TSPAN15: variants seen among roughly 807,000 people sequenced by gnomAD.
TSPAN15 encodes the protein tetraspanin 15.
TSPAN15 carries 20 observed loss-of-function variants against 34.5 expected under a neutral mutation model. That is an observed-to-expected ratio of 0.58 (90% CI 0.41 to 0.84). The LOEUF is 0.84. TSPAN15 is among the 40% of genes least tolerant of loss of function. TSPAN15 has a pLI of 0.00. For synonymous variants in TSPAN15, 155 were observed against 153.9 expected (o/e 1.01, Z -0.05); for missense variants, 313 against 386.1 (o/e 0.81, Z 1.59).
chr10:69,503,206 C>T (rs1043774373), intron 5 of TSPAN15, among the ~76,000 whole-genome samples: 2 of 152,096 alleles, frequency 1.3e-5, no homozygotes, highest in African/African-American at 4.8e-5. Flanking sequence ...CCAGCTAAAC[C>T]GAGGGAGGTC....
chr10:69,489,751 C>T (rs564306437), intron 3 of TSPAN15, among the ~76,000 whole-genome samples: 38 of 152,332 alleles, frequency 2.5e-4, no homozygotes, highest in Non-Finnish European at 4.0e-4. Context: ...GGACTGGTGC[C>T]GCTTCTCCAC....
At chr10:69,483,968 C>A in intron 2 of TSPAN15, 92 bp downstream of exon 2, 3 of 1,410,518 alleles carry the variant, frequency 2.1e-6, no homozygotes, top group East Asian at 2.3e-5. Context: ...TTCTTTTGTC[C>A]CTGCCTCAAA....
chr10:69,464,869 C>T (rs1841349587), intron 1 of TSPAN15, among the ~76,000 whole-genome samples: 1 of 152,198 alleles, frequency 6.6e-6, no homozygotes, highest in African/African-American at 2.4e-5. Context: ...GGTTTCAAAC[C>T]AGGAGCTTCC....
chr10:69,512,103 A>G (rs185653995), downstream of TSPAN15, among the ~76,000 whole-genome samples: 12 of 152,304 alleles, frequency 7.9e-5, no homozygotes, highest in East Asian at 2.3e-3. Context: ...AATGAAATGG[A>G]TGGAAGCAGA....
At chr10:69,498,682 A>G (rs1248788170) in intron 5 of TSPAN15, among the ~76,000 whole-genome samples, 1 of 152,194 alleles carries the variant, frequency 6.6e-6, no homozygotes, top group Non-Finnish European at 1.5e-5. Flanking sequence ...GTATTTACTC[A>G]TTTAGTATTC....
Position 69,507,282 on chromosome 10 carries a change from A to T in TSPAN15, c.*304A>T. 7.6e-7 allele frequency: 1 copy of T among 1,312,734 alleles called. No individual in the cohort carries two copies. Among genetic ancestry groups the T allele is most frequent in the Non-Finnish European group, 9.8e-7 (1 of 1,025,142 alleles). 81.3% of individuals were successfully genotyped at this position (1,312,734 alleles called of 1,614,324 possible). On this transcript the variant is annotated 3_prime_UTR_variant, in exon 8 of 8. Coordinates refer to ENST00000373290, the MANE Select transcript of TSPAN15 (RefSeq NM_012339.5). ...GGAGGGAGAGCCTGAGGCTCTGCTC[A>T]GGGCCCATTTCATCTCTGGCAGTGC...
At chr10:69,528,818 G>A in the TSPAN15 span, among the ~76,000 whole-genome samples, 65 of 148,164 alleles carry the variant, frequency 4.4e-4, 6 homozygotes, top group Middle Eastern at 3.4e-3. Context: ...TGTTTGCCCC[G>A]TCTCATGCTC....
At chr10:69,542,375 C>T in the TSPAN15 span, among the ~76,000 whole-genome samples, 1 of 152,234 alleles carries the variant, frequency 6.6e-6, no homozygotes, top group Admixed American at 6.5e-5. Flanking sequence ...GCCTTCCAGA[C>T]TGTTCCAACC....
At position 69,506,728 on chromosome 10, in the gene TSPAN15, G is replaced by A; in HGVS notation, c.736-101G>A. The stretch of plus-strand genomic sequence containing the variant: ...TTGCCCAGGTCACACAGGACCATGA[G>A]GGCTTGGGACTGGCTGCTTGGGTTT... On this transcript the variant is annotated intron_variant, in intron 7 of 7. Transcript: ENST00000373290. The surrounding 1 kb of genome is among the most constrained non-coding windows in gnomAD (Gnocchi z 4.7). 4.1e-6 allele frequency: 5 copies of A among 1,223,094 alleles called. No homozygotes were observed. The highest frequency in any genetic ancestry group is 3.0e-5 in the African/African-American group (2 of 66,532). The allele number at this position is 1,223,094 out of a possible 1,614,324, so 75.8% of individuals were successfully genotyped here. A position where few individuals can be genotyped will look rare whatever the true frequency, so the allele number is the denominator to read the frequency against.
chr10:69,543,155 G>C, the TSPAN15 span, among the ~76,000 whole-genome samples: 3 of 152,196 alleles, frequency 2.0e-5, no homozygotes, highest in African/African-American at 7.2e-5. Flanking sequence ...TAGAAACCCC[G>C]AGAGCCAGAA....
intron 1 of TSPAN15, among the ~76,000 whole-genome samples, chr10:69,465,468 G>T (rs550800298): frequency 2.0e-5 from 3 of 152,298 alleles, no homozygotes; most frequent in African/African-American, 4.8e-5. Flanking sequence ...GTCTAGCTGG[G>T]TTGTGCCTTC....
At chr10:69,486,548 C>T (rs112300601) in intron 3 of TSPAN15, among the ~76,000 whole-genome samples, 6,064 of 152,320 alleles carry the variant, frequency 0.04, 387 homozygotes, top group African/African-American at 0.13. Context: ...AAGTGATCCT[C>T]CGGCTTTAGC....
At chr10:69,530,812 CT>C in the TSPAN15 span, among the ~76,000 whole-genome samples, 3 of 66,734 alleles carry the variant, frequency 4.5e-5, no homozygotes, top group Non-Finnish European at 8.8e-5. Flanking sequence ...CTCTCTCTCT[CT>C]CTCTCTCTAT....
chr10:69,469,641 C>T (rs1429394893), intron 1 of TSPAN15, among the ~76,000 whole-genome samples: 1 of 152,142 alleles, frequency 6.6e-6, no homozygotes, highest in South Asian at 2.1e-4. Context: ...CAGTTTTTGC[C>T]ATTACTTTTA....
At chr10:69,537,999 G>A in the TSPAN15 span, among the ~76,000 whole-genome samples, 3 of 152,338 alleles carry the variant, frequency 2.0e-5, no homozygotes, top group East Asian at 5.8e-4. Flanking sequence ...CCTTAGGGCA[G>A]TTGCAGACAG....
intron 1 of TSPAN15, among the ~76,000 whole-genome samples, chr10:69,482,194 G>T (rs1054589390): frequency 1.3e-5 from 2 of 152,188 alleles, no homozygotes; most frequent in African/African-American, 4.8e-5. Context: ...TGTAAATAAA[G>T]TGGCCCTGAA....
At chr10:69,520,554 G>A in the TSPAN15 span, among the ~76,000 whole-genome samples, 2 of 152,200 alleles carry the variant, frequency 1.3e-5, no homozygotes, top group Non-Finnish European at 2.9e-5. Flanking sequence ...TACTCGGGAG[G>A]CTGAGGTGGG....
chr10:69,514,234 GAT>G, the TSPAN15 span, among the ~76,000 whole-genome samples: 1 of 152,182 alleles, frequency 6.6e-6, no homozygotes, highest in Admixed American at 6.5e-5. Flanking sequence ...ATTCAGTGAT[GAT>G]ATAGTACCCT....
the TSPAN15 span, among the ~76,000 whole-genome samples, chr10:69,527,246 G>T: frequency 1.4e-5 from 2 of 147,836 alleles, no homozygotes; most frequent in East Asian, 4.9e-4. Context: ...AAAAAGAATT[G>T]TCTTGGGCCA....
Sources: gnomAD v4.1 joint callset for allele counts (sites outside exome capture counted in the v4.1 genomes callset) on GRCh38, gnomAD v4.1.1 for gene constraint, Gnocchi (gnomAD v3.1) non-coding constraint, MANE v1.5 for transcripts, NCBI Gene and HGNC (gene_info 2026-07-23, HGNC 2026-07-21) for gene names.